SDHAF3: variants seen among roughly 807,000 people sequenced by gnomAD.
SDHAF3 encodes succinate dehydrogenase assembly factor 3, mitochondrial.
A neutral mutation model predicts 11.5 loss-of-function variants in SDHAF3; 18 were observed. The observed-to-expected ratio is 1.56, with a 90% CI of 1.08 to 2.32. The LOEUF is 2.32. Among genes scored for constraint, SDHAF3 ranks in the 30% most tolerant of loss-of-function variants. SDHAF3 has a pLI of 0.00. For missense variants in SDHAF3, 200 were observed against 154.4 expected (o/e 1.30, Z -1.57); for synonymous variants, 72 against 59.3 (o/e 1.21, Z -0.99).
At chr7:97,129,787 T>A (rs1791637939) in intron 1 of SDHAF3, among the ~76,000 whole-genome samples, 1 of 152,138 alleles carries the variant, frequency 6.6e-6, no homozygotes, top group African/African-American at 2.4e-5. Flanking sequence ...TGCGCTCAGC[T>A]TATGCTACCA....
At chr7:97,149,613 T>G (rs551706777) in intron 1 of SDHAF3, among the ~76,000 whole-genome samples, 2 of 152,350 alleles carry the variant, frequency 1.3e-5, no homozygotes, top group Non-Finnish European at 2.9e-5. Context: ...CGTAGCATTG[T>G]CTTAAAATAG....
At chr7:97,166,750 G>GA (rs1017426904) in intron 1 of SDHAF3, among the ~76,000 whole-genome samples, 8 of 151,874 alleles carry the variant, frequency 5.3e-5, no homozygotes, top group Non-Finnish European at 1.0e-4. Flanking sequence ...AGTTGGCGGG[G>GA]GGGGCTTAGA....
intron 1 of SDHAF3, among the ~76,000 whole-genome samples, chr7:97,145,596 A>G (rs62499469): frequency 0.18 from 26,643 of 152,136 alleles, 2,890 homozygotes; most frequent in Non-Finnish European, 0.25. Flanking sequence ...ATGAAACCCA[A>G]TATGTGAAAT....
At chr7:97,119,657 AT>A (rs1342248650) in intron 1 of SDHAF3, among the ~76,000 whole-genome samples, 2 of 152,180 alleles carry the variant, frequency 1.3e-5, no homozygotes, top group Non-Finnish European at 2.9e-5. Flanking sequence ...TAATGTCCTT[AT>A]TCTGTTCCAG....
At chr7:97,153,531 G>A (rs978760541) in intron 1 of SDHAF3, among the ~76,000 whole-genome samples, 1 of 152,198 alleles carries the variant, frequency 6.6e-6, no homozygotes, top group African/African-American at 2.4e-5. Flanking sequence ...GGTTTTGAGT[G>A]TACATAATTT....
intron 1 of SDHAF3, among the ~76,000 whole-genome samples, chr7:97,156,205 C>T (rs567325774): frequency 9.9e-5 from 15 of 152,242 alleles, no homozygotes; most frequent in South Asian, 2.1e-4. Context: ...CAGCCTTTCC[C>T]TGTTTTTGAT....
intron 1 of SDHAF3, among the ~76,000 whole-genome samples, chr7:97,157,806 C>T (rs1275866535): frequency 2.6e-5 from 4 of 151,906 alleles, no homozygotes; most frequent in African/African-American, 9.7e-5. Context: ...GATTTCATGT[C>T]CTTTGTAGGG....
intron 1 of SDHAF3, among the ~76,000 whole-genome samples, chr7:97,177,676 T>G (rs75114418): frequency 0.036 from 5,497 of 152,340 alleles, 164 homozygotes; most frequent in Non-Finnish European, 0.058. Context: ...TTTCTATTGC[T>G]GTATTTTCAA....
intron 1 of SDHAF3, among the ~76,000 whole-genome samples, chr7:97,149,352 CT>C (rs934960759): frequency 7.4e-5 from 11 of 149,318 alleles, no homozygotes; most frequent in South Asian, 2.1e-4. Flanking sequence ...TCAAGATACA[CT>C]TTTTTTTTTA....
intron 1 of SDHAF3, among the ~76,000 whole-genome samples, chr7:97,150,730 AT>A (rs1342456467): frequency 3.3e-5 from 5 of 151,194 alleles, no homozygotes; most frequent in Non-Finnish European, 7.4e-5. Flanking sequence ...CACCCGGATA[AT>A]TTTTTGTATT....
chr7:97,171,269 GAA>G (rs1046022765), intron 1 of SDHAF3, among the ~76,000 whole-genome samples: 4 of 152,048 alleles, frequency 2.6e-5, no homozygotes, highest in Non-Finnish European at 5.9e-5. Flanking sequence ...AATTTTGGGG[GAA>G]AGTTACCTTT....
chr7:97,152,415 A>G (rs977113835), intron 1 of SDHAF3, among the ~76,000 whole-genome samples: 3 of 152,192 alleles, frequency 2.0e-5, no homozygotes, highest in Admixed American at 1.3e-4. Context: ...AGGGAGTTGA[A>G]TCTGTCCTCT....
At chr7:97,156,106 G>C (rs1277995029) in intron 1 of SDHAF3, among the ~76,000 whole-genome samples, 3 of 152,048 alleles carry the variant, frequency 2.0e-5, no homozygotes, top group African/African-American at 7.2e-5. Context: ...TTAGCCTAAT[G>C]ACCTTTTTCT....
At chr7:97,140,595 C>T (rs1265762520) in intron 1 of SDHAF3, among the ~76,000 whole-genome samples, 2 of 152,072 alleles carry the variant, frequency 1.3e-5, no homozygotes, top group Non-Finnish European at 2.9e-5. Flanking sequence ...CAAATTAATA[C>T]TTTTATAATT....
In SDHAF3 at chr7:97,140,343, A is replaced by ATTTT. The variant is rs67929691; in HGVS notation, c.174+22463_174+22466dup. Among the ~76,000 whole-genome samples, 202 of 112,394 alleles carry ATTTT rather than the reference A, an allele frequency of 1.8e-3. 4 individuals carry two copies. The highest frequency in any genetic ancestry group is 2.5e-3 in the African/African-American group (72 of 28,988). 73.7% of individuals were successfully genotyped at this position (112,394 alleles called of 152,430 possible). On this transcript the variant is annotated intron_variant, in intron 1 of 1. Coordinates refer to ENST00000432641, the MANE Select transcript of SDHAF3 (RefSeq NM_020186.3). Reference sequence around the variant, plus strand: ...AGTTGTATTTTTCTCTTTTGGTAGTATTTTTTTTTTTTTTTTTTTTGAGAT... The same window carrying ATTTT: ...AGTTGTATTTTTCTCTTTTGGTAGTATTTTTTTTTTTTTTTTTTTTTTTTGAGAT...
At chr7:97,180,869 A>AACTATATTTATATCTCCTTAACC in intron 1 of SDHAF3, 143 bp from the exon 2 acceptor site, 1 of 705,618 alleles carries the variant, frequency 1.4e-6, no homozygotes. Context: ...GTATCTTCAC[A>AACTATATTTATATCTCCTTAACC]ACTATATTTA....
intron 1 of SDHAF3, 35 bp downstream of exon 1, chr7:97,117,932 T>C (rs762595529): frequency 6.2e-7 from 1 of 1,605,540 alleles, no homozygotes; most frequent in South Asian, 1.1e-5. Flanking sequence ...CCCAAGACCT[T>C]TGGGGTTCCT....
chr7:97,124,115 G>T (rs1326078066), intron 1 of SDHAF3, among the ~76,000 whole-genome samples: 1 of 152,120 alleles, frequency 6.6e-6, no homozygotes, highest in East Asian at 1.9e-4. Flanking sequence ...TTCTTCTAGG[G>T]TTTTTATGGT....
At chr7:97,176,286 ACCCTGAGG>A (rs1789677874) in intron 1 of SDHAF3, among the ~76,000 whole-genome samples, 1 of 152,132 alleles carries the variant, frequency 6.6e-6, no homozygotes, top group Non-Finnish European at 1.5e-5. Context: ...TGCTTAACTT[ACCCTGAGG>A]AAGCACTGCA....
Sources: gnomAD v4.1 joint callset for allele counts (sites outside exome capture counted in the v4.1 genomes callset) on GRCh38, gnomAD v4.1.1 for gene constraint, MANE v1.5 for transcripts, NCBI Gene and HGNC (gene_info 2026-07-23, HGNC 2026-07-21) for gene names.